The following ARMC3 variants were observed in gnomAD, a reference collection of about 807,000 sequenced individuals.
The protein encoded by ARMC3 is armadillo repeat containing 3, also known as armadillo repeat-containing protein 3.
Under a neutral mutation model 90.3 loss-of-function variants are expected in ARMC3, and 74 were observed. The observed-to-expected ratio is 0.82, with a 90% CI of 0.68 to 0.99. The LOEUF is 0.99. Among genes scored for constraint, ARMC3 ranks in the 50% least tolerant of loss-of-function variants. ARMC3 has a pLI of 0.00. For synonymous variants in ARMC3, 334 were observed against 361.8 expected, an observed-to-expected ratio of 0.92 and a Z score of 0.87; for missense variants, 958 against 1,042.8, an observed-to-expected ratio of 0.92 and a Z score of 1.12.
At chr10:22,953,542 G>C (rs1834813437) in intron 3 of ARMC3, among the ~76,000 whole-genome samples, 1 of 151,464 alleles carries the variant, frequency 6.6e-6, no homozygotes, top group South Asian at 2.1e-4. Context: ...CCTAATAAAA[G>C]ATATCTACAA....
chr10:22,949,526 T>C (rs1834659056), intron 3 of ARMC3, among the ~76,000 whole-genome samples: 1 of 152,246 alleles, frequency 6.6e-6, no homozygotes, highest in African/African-American at 2.4e-5. Flanking sequence ...AAAAGATTAA[T>C]GAACTTAAAT....
intron 3 of ARMC3, chr10:22,955,481 A>C (rs911003483): frequency 5.2e-6 from 1 of 193,332 alleles, no homozygotes; most frequent in Non-Finnish European, 1.1e-5. Context: ...AAGTGATATG[A>C]CAAAAATACA....
chr10:23,033,688 T>G (rs17539042), intron 18 of ARMC3, among the ~76,000 whole-genome samples: 2,029 of 152,282 alleles, frequency 0.013, 20 homozygotes, highest in South Asian at 0.031. Context: ...GGTAACATCA[T>G]TTTGAACCAC....
chr10:22,975,790 G>A (rs1186191267), intron 8 of ARMC3, among the ~76,000 whole-genome samples: 1 of 152,096 alleles, frequency 6.6e-6, no homozygotes, highest in Non-Finnish European at 1.5e-5. Context: ...CCTAATTCAG[G>A]AAGCTAGTTT....
At position 22,981,482 on chromosome 10, in the gene ARMC3, C is replaced by T. The variant is rs146538646; in HGVS notation, c.1059C>T (p.Phe353=). 1.2e-6 allele frequency: 2 copies of T among 1,613,350 alleles called. No individual in the cohort carries two copies. The highest frequency in any genetic ancestry group is 2.7e-5 in the African/African-American group (2 of 74,846). Residue 353 remains phenylalanine (F), a synonymous_variant, in exon 9 of 19, where the codon TTC becomes TTT. Transcript: ENST00000298032. The stretch of plus-strand genomic sequence containing the variant: ...AGAATTCAGGCAGCAAAGATTTTTT[C>T]AATAATCAGGGTAAGTCAACTGGAA... ...MCENSGSKDF[F]NNQGIPQLIQ...
intron 4 of ARMC3, among the ~76,000 whole-genome samples, chr10:22,956,737 AAT>A (rs1290540220): frequency 1.4e-5 from 2 of 147,066 alleles, no homozygotes; most frequent in African/African-American, 2.5e-5. Flanking sequence ...AATTAACATT[AAT>A]ATGTGATTAA....
intron 14 of ARMC3, 59 bp from the exon 15 acceptor site, chr10:23,008,217 A>C: frequency 4.4e-6 from 4 of 899,992 alleles, no homozygotes; most frequent in Non-Finnish European, 6.6e-6. Flanking sequence ...CGTGGAATAA[A>C]ACCATCTGTT....
chr10:23,010,873 T>C (rs1837958044), intron 16 of ARMC3, among the ~76,000 whole-genome samples: 1 of 47,092 alleles, frequency 2.1e-5, no homozygotes, highest in Admixed American at 2.0e-4. Flanking sequence ...GCCTCTCCTC[T>C]CCTTCCCTTT....
chr10:23,001,300 T>C (rs1837275513), intron 11 of ARMC3, among the ~76,000 whole-genome samples: 1 of 152,252 alleles, frequency 6.6e-6, no homozygotes, highest in Non-Finnish European at 1.5e-5. Flanking sequence ...CTGTGTCTTA[T>C]GTCCTTGCCC....
chr10:22,956,068 A>G (rs1300986534), intron 4 of ARMC3, 136 bp downstream of exon 4: 1 of 781,454 alleles, frequency 1.3e-6, no homozygotes, highest in African/African-American at 1.8e-5. Context: ...TTATCAGTAT[A>G]ATGCAGCAAA....
intron 8 of ARMC3, among the ~76,000 whole-genome samples, chr10:22,977,500 A>G (rs1431966494): frequency 1.3e-5 from 2 of 152,172 alleles, no homozygotes; most frequent in Admixed American, 1.3e-4. Context: ...CCAACTGCCC[A>G]TCTGTATTAA....
At chr10:23,013,416 C>T (rs1424512165) in intron 16 of ARMC3, among the ~76,000 whole-genome samples, 2 of 152,060 alleles carry the variant, frequency 1.3e-5, no homozygotes, top group African/African-American at 4.8e-5. Flanking sequence ...ATTTTGTGCC[C>T]ATTTTTTTGT....
chr10:22,953,667 G>A (rs1036344055), intron 3 of ARMC3, among the ~76,000 whole-genome samples: 1 of 152,162 alleles, frequency 6.6e-6, no homozygotes, highest in Non-Finnish European at 1.5e-5. Flanking sequence ...CATTGTATGG[G>A]AGATTCTAGC....
At chr10:22,958,311 A>G (rs1835037236) in intron 4 of ARMC3, among the ~76,000 whole-genome samples, 1 of 152,222 alleles carries the variant, frequency 6.6e-6, no homozygotes, top group Non-Finnish European at 1.5e-5. Context: ...CATTTCTAAT[A>G]ATCAAATTGA....
chr10:22,930,903 A>AT (rs1371192546), intron 1 of ARMC3, among the ~76,000 whole-genome samples: 1 of 151,972 alleles, frequency 6.6e-6, no homozygotes, highest in African/African-American at 2.4e-5. Context: ...TTCCTGGGTT[A>AT]TTCTAATAGA....
chr10:23,008,827 T>A lies in ARMC3; in HGVS notation c.1941T>A (p.Tyr647Ter). 6.2e-7 allele frequency: 1 copy of A among 1,612,216 alleles called. No individual in the cohort carries two copies. Among genetic ancestry groups the A allele is most frequent in the Non-Finnish European group, 8.5e-7 (1 of 1,178,732 alleles). ...SSKEKNKKNSYHFSAGFGSPI... is the reference protein window; with the variant it reads ...SSKEKNKKNS The stretch of plus-strand genomic sequence containing the variant: ...TTCAAATGACAAGAAAAAATAGTTA[T>A]CATTTTAGTGCTGGATTTGGATCTC... The change falls in exon 16 of 19, where the codon TAT becomes TAA. Residue 647 changes from tyrosine (Y) to a stop codon, truncating the protein, a stop_gained. Coordinates refer to ENST00000298032, the MANE Select transcript of ARMC3 (RefSeq NM_173081.5). LOFTEE classifies it high-confidence loss of function.
At chr10:22,937,585 G>A (rs1834160554) in intron 2 of ARMC3, among the ~76,000 whole-genome samples, 2 of 152,132 alleles carry the variant, frequency 1.3e-5, no homozygotes, top group South Asian at 4.1e-4. Flanking sequence ...CCTTATGAAG[G>A]TAGGTTGGGA....
At chr10:22,934,292 G>A (rs1442870691) in intron 2 of ARMC3, among the ~76,000 whole-genome samples, 1 of 152,156 alleles carries the variant, frequency 6.6e-6, no homozygotes, top group Non-Finnish European at 1.5e-5. Context: ...TTGCTTTTCT[G>A]AATATTCTCA....
intron 10 of ARMC3, 24 bp downstream of exon 10, chr10:22,981,724 G>T (rs933033772): frequency 1.3e-6 from 2 of 1,577,162 alleles, no homozygotes; most frequent in Non-Finnish European, 1.7e-6. Flanking sequence ...TCCTCACCCA[G>T]CACTGACTTG....
Sources: gnomAD v4.1 joint callset for allele counts (sites outside exome capture counted in the v4.1 genomes callset) on GRCh38, gnomAD v4.1.1 for gene constraint, MANE v1.5 for transcripts, NCBI Gene and HGNC (gene_info 2026-07-23, HGNC 2026-07-21) for gene names.